FMNL2: variants seen among roughly 807,000 people sequenced by gnomAD.
The protein encoded by FMNL2 is formin-like protein 2.
In FMNL2, 51 loss-of-function variants were observed where a neutral mutation model predicts 130.2. The observed-to-expected ratio is 0.39, with a 90% CI of 0.31 to 0.49. The LOEUF is 0.49. FMNL2 is among the 20% of genes least tolerant of loss of function. The pLI is 0.85. For missense variants in FMNL2, 977 were observed against 1,316.2 expected, an observed-to-expected ratio of 0.74 and a Z score of 3.99; for synonymous variants, 465 against 467.1, an observed-to-expected ratio of 1.00 and a Z score of 0.06.
intron 1 of FMNL2, among the ~76,000 whole-genome samples, chr2:152,451,584 T>A (rs2105069635): frequency 6.6e-6 from 1 of 152,252 alleles, no homozygotes; most frequent in Non-Finnish European, 1.5e-5. Context: ...AGCACCGTTT[T>A]ATGGATGAGG....
At chr2:152,361,762 T>G (rs1306992530) in intron 1 of FMNL2, among the ~76,000 whole-genome samples, 2 of 152,168 alleles carry the variant, frequency 1.3e-5, no homozygotes, top group African/African-American at 4.8e-5. Flanking sequence ...TAACTATCAC[T>G]GTTACCGTCT....
intron 2 of FMNL2, among the ~76,000 whole-genome samples, chr2:152,528,945 G>A (rs1015562422): frequency 6.6e-6 from 1 of 152,028 alleles, no homozygotes; most frequent in African/African-American, 2.4e-5. Flanking sequence ...GAAGTCTGTG[G>A]GCCAGGCCTG....
intron 1 of FMNL2, among the ~76,000 whole-genome samples, chr2:152,371,220 T>TG (rs1683855660): frequency 6.6e-6 from 1 of 152,182 alleles, no homozygotes; most frequent in African/African-American, 2.4e-5. Flanking sequence ...CTATTTATCA[T>TG]GGGGGGACTG....
At chr2:152,457,659 A>G (rs570278942) in intron 1 of FMNL2, among the ~76,000 whole-genome samples, 30 of 152,338 alleles carry the variant, frequency 2.0e-4, no homozygotes, top group African/African-American at 7.2e-4. Context: ...TTCTATTGCT[A>G]CTGGAACAAA....
intron 1 of FMNL2, among the ~76,000 whole-genome samples, chr2:152,393,686 CTTT>C (rs1322809495): frequency 6.6e-6 from 1 of 152,206 alleles, no homozygotes; most frequent in Non-Finnish European, 1.5e-5. Context: ...AAAAAAATCT[CTTT>C]TGCCTATTTA....
chr2:152,617,697 A>G (rs1295280260), intron 13 of FMNL2, among the ~76,000 whole-genome samples: 1 of 152,220 alleles, frequency 6.6e-6, no homozygotes, highest in Non-Finnish European at 1.5e-5. Context: ...CCATTTTATT[A>G]TCAGCTAATC....
chr2:152,581,547 C>G (rs966612311), intron 9 of FMNL2, among the ~76,000 whole-genome samples: 1 of 152,196 alleles, frequency 6.6e-6, no homozygotes, highest in Non-Finnish European at 1.5e-5. Context: ...GAAACGGAGA[C>G]TGTCTGACCA....
In FMNL2 at chr2:152,648,545, T is replaced by C. The variant is rs1169319086; in HGVS notation, c.*640T>C. 6.5e-6 allele frequency: 1 copy of C among 152,712 alleles called. No homozygotes were observed. The highest frequency in any genetic ancestry group is 1.5e-5 in the Non-Finnish European group (1 of 68,146). 9.5% of individuals were successfully genotyped at this position (152,712 alleles called of 1,614,324 possible). The stretch of plus-strand genomic sequence containing the variant: ...CACTAGTATGAATGTGGGGATATAG[T>C]GTATAAGACTTATTTGCAGTACTGT... On this transcript the variant is annotated 3_prime_UTR_variant, in exon 26 of 26. Transcript: ENST00000288670.
At chr2:152,471,289 G>A (rs973771016) in intron 1 of FMNL2, among the ~76,000 whole-genome samples, 1 of 152,172 alleles carries the variant, frequency 6.6e-6, no homozygotes, top group Non-Finnish European at 1.5e-5. Flanking sequence ...TTGGGACCAC[G>A]TTTTGTCTTT....
chr2:152,521,922 C>T, intron 1 of FMNL2, 21 bp from the exon 2 acceptor site: 1 of 1,595,414 alleles, frequency 6.3e-7, no homozygotes. Context: ...CATCTTTTCT[C>T]TCTTTATTTT....
intron 1 of FMNL2, among the ~76,000 whole-genome samples, chr2:152,489,001 G>T (rs1690992009): frequency 6.6e-6 from 1 of 152,170 alleles, no homozygotes; most frequent in African/African-American, 2.4e-5. Flanking sequence ...AGCCCAGGAG[G>T]TTGAGGCTGC....
chr2:152,556,615 A>G (rs1448305379), intron 4 of FMNL2, among the ~76,000 whole-genome samples: 1 of 152,106 alleles, frequency 6.6e-6, no homozygotes, highest in East Asian at 1.9e-4. Context: ...TCCTACCTTA[A>G]AAAAATTTAG....
chr2:152,389,766 C>A (rs549151165), intron 1 of FMNL2, among the ~76,000 whole-genome samples: 6 of 152,300 alleles, frequency 3.9e-5, no homozygotes, highest in African/African-American at 1.4e-4. Context: ...AGCTTGTGAA[C>A]ACTTTCTTCA....
chr2:152,616,204 CTG>C (rs1484633060), intron 12 of FMNL2, among the ~76,000 whole-genome samples: 1 of 152,134 alleles, frequency 6.6e-6, no homozygotes, highest in Non-Finnish European at 1.5e-5. Flanking sequence ...ATGGCTCACC[CTG>C]TCTTTCTCCT....
intron 6 of FMNL2, among the ~76,000 whole-genome samples, chr2:152,570,971 A>G (rs1466325813): frequency 6.6e-6 from 1 of 152,228 alleles, no homozygotes; most frequent in Admixed American, 6.5e-5. Context: ...CCCAGGGAGC[A>G]TCTATTCAGG....
Position 152,648,888 on chromosome 2 carries a change from G to A in FMNL2, c.*983G>A, listed in dbSNP as rs909641676. 8 of 152,554 alleles carry A rather than the reference G, an allele frequency of 5.2e-5. No individual in the cohort carries two copies. The highest frequency in any genetic ancestry group is 1.9e-4 in the African/African-American group (8 of 41,426). The allele number at this position is 152,554 out of a possible 1,614,324, so 9.5% of individuals were successfully genotyped here. ...TCATGCATTTCCCAGACTACTTATG[G>A]AGAATTGCAGTTTAAGTTGCTGAAA... is the stretch of plus-strand genomic sequence containing the variant. On this transcript the variant is annotated 3_prime_UTR_variant, in exon 26 of 26. Transcript: ENST00000288670.
chr2:152,548,222 T>G (rs1694751285), intron 3 of FMNL2, among the ~76,000 whole-genome samples: 2 of 152,062 alleles, frequency 1.3e-5, no homozygotes, highest in Non-Finnish European at 2.9e-5. Context: ...TTTTGCAACG[T>G]GTTAGGTCAC....
At chr2:152,492,627 C>T (rs1043274838) in intron 1 of FMNL2, among the ~76,000 whole-genome samples, 4 of 152,064 alleles carry the variant, frequency 2.6e-5, no homozygotes, top group Non-Finnish European at 4.4e-5. Flanking sequence ...TCATAATTTT[C>T]CATGTTTGTT....
In FMNL2 at chr2:152,346,846, C is replaced by T. The variant is rs189812899; in HGVS notation, c.117+11126C>T. Among the ~76,000 whole-genome samples, 356 of 152,162 alleles carry T rather than the reference C, an allele frequency of 2.3e-3. 1 individual carries two copies. Among genetic ancestry groups the T allele is most frequent in the African/African-American group, 8.4e-3 (349 of 41,518 alleles). ...ATGGCTCATGCCTATAATCCCAGCA[C>T]TTTGGGAGGCCGAGGTGGGCAGATC... On this transcript the variant is annotated intron_variant, in intron 1 of 25. Coordinates refer to ENST00000288670, the MANE Select transcript of FMNL2 (RefSeq NM_052905.4).
Sources: gnomAD v4.1 joint callset for allele counts (sites outside exome capture counted in the v4.1 genomes callset) on GRCh38, gnomAD v4.1.1 for gene constraint, MANE v1.5 for transcripts, NCBI Gene and HGNC (gene_info 2026-07-23, HGNC 2026-07-21) for gene names.